Variants in TUSC3 observed in about 807,000 individuals in gnomAD.
TUSC3 encodes dolichyl-diphosphooligosaccharide--protein glycosyltransferase subunit TUSC3.
Under a neutral mutation model 44.8 loss-of-function variants are expected in TUSC3, and 45 were observed. The observed-to-expected ratio is 1.00, with a 90% CI of 0.79 to 1.29. The LOEUF is 1.29. Among genes scored for constraint, TUSC3 ranks in the 50% most tolerant of loss-of-function variants. The pLI is 0.00. For synonymous variants in TUSC3, 212 were observed against 152.9 expected (o/e 1.39, Z -2.85); for missense variants, 519 against 437.9 (o/e 1.19, Z -1.65).
chr8:15,623,048 T>G lies in TUSC3; in HGVS notation c.139-32T>G, dbSNP rs1177211306. 4 of 1,609,720 alleles carry G rather than the reference T, an allele frequency of 2.5e-6. No individual in the cohort carries two copies. In the African/African-American group the frequency reaches 4.0e-5, roughly 16 times the overall value. On this transcript the variant is annotated intron_variant, in intron 1 of 10. Coordinates refer to ENST00000503731, the MANE Select transcript of TUSC3 (RefSeq NM_006765.4). Reference sequence around the variant, plus strand: ...ATTCAAACAAAAGGACTTTGACTCTTTGTAAATGTTAATTTCTGTGTTTAA... The same window carrying G: ...ATTCAAACAAAAGGACTTTGACTCTGTGTAAATGTTAATTTCTGTGTTTAA...
At chr8:15,760,593 C>G (rs896932995) in intron 10 of TUSC3, among the ~76,000 whole-genome samples, 1 of 152,082 alleles carries the variant, frequency 6.6e-6, no homozygotes, top group Non-Finnish European at 1.5e-5. Flanking sequence ...GGGACGTCAA[C>G]AAAGAATATT....
intron 1 of TUSC3, among the ~76,000 whole-genome samples, chr8:15,420,970 C>T (rs958599284): frequency 6.6e-6 from 1 of 152,090 alleles, no homozygotes; most frequent in Admixed American, 6.6e-5. Context: ...ATTTAACACC[C>T]TTTATATGCA....
the TUSC3 span, among the ~76,000 whole-genome samples, chr8:15,848,048 G>A: frequency 2.0e-5 from 3 of 152,062 alleles, no homozygotes; most frequent in Admixed American, 6.6e-5. Flanking sequence ...TGCTTTTCAG[G>A]ACTCACTATA....
chr8:15,806,725 C>A, the TUSC3 span: 1 of 813,894 alleles, frequency 1.2e-6, no homozygotes, highest in South Asian at 1.5e-5. Context: ...TGGATACAGC[C>A]AGAGAGGCTT....
intron 1 of TUSC3, among the ~76,000 whole-genome samples, chr8:15,543,738 T>C (rs927466055): frequency 2.6e-5 from 4 of 151,030 alleles, no homozygotes; most frequent in African/African-American, 7.3e-5. Context: ...TTTTTTGAAT[T>C]GGTTTTTTTT....
intron 7 of TUSC3, among the ~76,000 whole-genome samples, chr8:15,734,739 A>C (rs535216872): frequency 6.6e-6 from 1 of 152,322 alleles, no homozygotes; most frequent in Non-Finnish European, 1.5e-5. Context: ...TTTCAGCTGG[A>C]TATTGAAGTA....
At chr8:15,690,660 T>C (rs1432301420) in intron 6 of TUSC3, among the ~76,000 whole-genome samples, 1 of 152,178 alleles carries the variant, frequency 6.6e-6, no homozygotes, top group Non-Finnish European at 1.5e-5. Context: ...TTCATCCATC[T>C]TGAGTTGATT....
intron 1 of TUSC3, among the ~76,000 whole-genome samples, chr8:15,429,829 A>G (rs1360766837): frequency 6.6e-6 from 1 of 151,778 alleles, no homozygotes; most frequent in Non-Finnish European, 1.5e-5. Flanking sequence ...AATACAAACT[A>G]CCATCAGAGA....
chr8:15,806,412 G>T, the TUSC3 span: 1 of 679,878 alleles, frequency 1.5e-6, no homozygotes, highest in Admixed American at 2.0e-5. Flanking sequence ...TGATACTTTG[G>T]GTGCATTTGG....
chr8:15,589,550 A>G (rs1255191629), intron 1 of TUSC3, among the ~76,000 whole-genome samples: 1 of 152,162 alleles, frequency 6.6e-6, no homozygotes, highest in Non-Finnish European at 1.5e-5. Context: ...ATTAATGTTA[A>G]ATTTGCCTTG....
the TUSC3 span, among the ~76,000 whole-genome samples, chr8:15,789,517 A>G: frequency 6.6e-6 from 1 of 152,242 alleles, no homozygotes; most frequent in Non-Finnish European, 1.5e-5. Flanking sequence ...GGCCATTAGC[A>G]TAATGAAGCC....
intron 2 of TUSC3, among the ~76,000 whole-genome samples, chr8:15,632,999 A>C (rs547002134): frequency 2.9e-4 from 44 of 152,294 alleles, no homozygotes; most frequent in African/African-American, 1.0e-3. Context: ...GATATTTAGA[A>C]AGCAAAAACT....
intron 9 of TUSC3, among the ~76,000 whole-genome samples, chr8:15,750,376 T>C (rs570409315): frequency 6.6e-6 from 1 of 152,268 alleles, no homozygotes; most frequent in Non-Finnish European, 1.5e-5. Context: ...GATACTAAAA[T>C]ATCATTCCCT....
At chr8:15,833,673 A>G in the TUSC3 span, among the ~76,000 whole-genome samples, 2 of 119,698 alleles carry the variant, frequency 1.7e-5, no homozygotes, top group African/African-American at 5.2e-5. Flanking sequence ...AACAAGAGAC[A>G]CTAGGACCTA....
intron 2 of TUSC3, among the ~76,000 whole-genome samples, chr8:15,485,432 C>T (rs1463062233): frequency 6.7e-6 from 1 of 150,150 alleles, no homozygotes; most frequent in East Asian, 2.0e-4. Context: ...ATGGGTTTAT[C>T]ACAGGGAAGC....
In TUSC3 at chr8:15,440,840, T is replaced by G. The variant is rs144860295; in HGVS notation, n.91+23535T>G. On this transcript the variant is annotated intron_variant and non_coding_transcript_variant, in intron 1 of 5. Coordinates refer to the TUSC3 transcript ENST00000503191. ...ATAGGGATGTTAATACATACCAGCT[T>G]TAGGTTGGAGATGCTAGCAACTGCC... Among the ~76,000 whole-genome samples the G allele has an allele frequency of 3.9e-5, 6 of 152,232 alleles. No individual in the cohort carries two copies. In the East Asian group the frequency reaches 1.2e-3, roughly 29 times the overall value.
the TUSC3 span, among the ~76,000 whole-genome samples, chr8:15,788,479 G>C: frequency 6.6e-5 from 10 of 150,950 alleles, no homozygotes; most frequent in African/African-American, 2.4e-4. Flanking sequence ...CCCAGGAGGC[G>C]GAGGTTGCAG....
rs561742821 is a variant in TUSC3 at position 15,468,277 on chromosome 8, T to A, written n.92-15109T>A. ...AGCTGCTTAATGTGAGAGGAAAAAA[T>A]TGCGTTTTCTAAGAAATAGAAGCCC... On this transcript the variant is annotated intron_variant and non_coding_transcript_variant, in intron 1 of 5. Transcript: ENST00000503191. Among the ~76,000 whole-genome samples the A allele has an allele frequency of 1.4e-4, 22 of 152,274 alleles. 1 individual carries two copies. The highest frequency in any genetic ancestry group is 5.1e-4 in the African/African-American group (21 of 41,562).
chr8:15,690,021 G>A (rs1420961672), intron 6 of TUSC3, among the ~76,000 whole-genome samples: 2 of 151,964 alleles, frequency 1.3e-5, no homozygotes, highest in East Asian at 3.9e-4. Context: ...TTTTTGGGGT[G>A]TATACACAAT....
Sources: allele counts gnomAD v4.1 joint callset (sites outside exome capture counted in the v4.1 genomes callset), GRCh38; gene constraint gnomAD v4.1.1; transcripts MANE v1.5; gene names NCBI Gene and HGNC (gene_info 2026-07-23, HGNC 2026-07-21).